The following ZFP92 variants were observed in gnomAD, a reference collection of about 807,000 sequenced individuals.
ZFP92 encodes the protein ZFP92 zinc finger protein.
ZFP92 carries 2 observed loss-of-function variants against 7.6 expected under a neutral mutation model. The observed-to-expected ratio is 0.26, with a 90% CI of 0.11 to 0.83. ZFP92 has a LOEUF of 0.83. Ranked by LOEUF, ZFP92 falls within the 40% of genes least tolerant of loss-of-function variation. The pLI is 0.65. For synonymous variants in ZFP92, 226 were observed against 183.6 expected (o/e 1.23, Z -1.87); for missense variants, 324 against 408.3 (o/e 0.79, Z 1.78).
Position 153,420,785 on chromosome X carries a change from G to C in ZFP92, c.408G>C (p.Gln136His). ...AGAGAGGTGCCCAGGGCTTGGGGCA[G>C]AGTTCGGCTGCGGGGCCGCAGGGCC... is the stretch of plus-strand genomic sequence containing the variant. ...VLQRGAQGLG[Q>H]SSAAGPQGPK... is the part of the protein sequence containing the mutation. The change falls in exon 6 of 6, where the codon CAG becomes CAC. Residue 136 changes from glutamine to histidine, a missense_variant. Transcript: ENST00000338647. The C allele has an allele frequency of 8.6e-7, 1 of 1,168,563 alleles. No individual in the cohort carries two copies. Among genetic ancestry groups the C allele is most frequent in the Non-Finnish European group, 1.1e-6 (1 of 873,152 alleles).
intron 5 of ZFP92, 70 bp from the exon 6 acceptor site, chrX:153,420,573 C>CA (rs2088990156): frequency 2.1e-5 from 23 of 1,095,163 alleles, no homozygotes; most frequent in Non-Finnish European, 2.7e-5. Flanking sequence ...CCCCTATGTT[C>CA]TCACCTCCTG....
rs2088907870 is a variant in ZFP92 at position 153,411,658 on chromosome X, G to A, written c.-113G>A. On this transcript the variant is annotated 5_prime_UTR_variant, in exon 1 of 6. Coordinates refer to ENST00000338647, the MANE Select transcript of ZFP92 (RefSeq NM_001136273.2). Reference sequence around the variant, plus strand: ...GGCGGCCTTGGCCTCGGGCCTGCCGGGAGCAGGAAGGGAGGCCGACTCCCT... The same window carrying A: ...GGCGGCCTTGGCCTCGGGCCTGCCGAGAGCAGGAAGGGAGGCCGACTCCCT... Among the ~76,000 whole-genome samples the A allele has an allele frequency of 8.8e-6, 1 of 113,168 alleles. No homozygotes were observed. Among genetic ancestry groups the A allele is most frequent in the African/African-American group, 3.2e-5 (1 of 31,204 alleles).
rs2089003080 is a variant in ZFP92 at position 153,421,496 on chromosome X, G to A, written c.1119G>A (p.Arg373=). ...AGCACCAGGCAGTGCACGGCGCCAG[G>A]CGCCCTGCGAAGGCGGAGACGGCGC... ...LFKHQAVHGA[R]RPAKAETARR... Residue 373 remains arginine (R), a synonymous_variant, in exon 6 of 6, where the codon AGG becomes AGA. Coordinates refer to ENST00000338647, the MANE Select transcript of ZFP92 (RefSeq NM_001136273.2). 2 of 1,145,666 alleles carry A rather than the reference G, an allele frequency of 1.7e-6. No individual in the cohort carries two copies. The highest frequency in any genetic ancestry group is 3.6e-5 in the African/African-American group (2 of 55,506). 94.4% of individuals were successfully genotyped at this position (1,145,666 alleles called of 1,213,427 possible). A position where few individuals can be genotyped will look rare whatever the true frequency, so the allele number is the denominator to read the frequency against.
intron 2 of ZFP92, among the ~76,000 whole-genome samples, chrX:153,417,739 G>C (rs2088964769): frequency 8.9e-6 from 1 of 112,004 alleles, no homozygotes; most frequent in Non-Finnish European, 1.9e-5. Context: ...GGTTTGAATG[G>C]TGCCCCCCAA....
rs1556976017 is a variant in ZFP92, at chrX:153,424,336, A to G, written c.*2708A>G. On this transcript the variant is annotated 3_prime_UTR_variant, in exon 6 of 6. Transcript: ENST00000338647. Reference sequence around the variant, plus strand: ...GTCTAATTTAGCTCCCCATAATGACATTCTCACTGCAAGGTGGTCATTGCT... The same window carrying G: ...GTCTAATTTAGCTCCCCATAATGACGTTCTCACTGCAAGGTGGTCATTGCT... 8.9e-6 allele frequency: 1 copy of G among 112,395 alleles called. No homozygotes were observed. The highest frequency in any genetic ancestry group is 1.9e-5 in the Non-Finnish European group (1 of 53,282). 9.3% of individuals were successfully genotyped at this position (112,395 alleles called of 1,213,427 possible).
At chrX:153,416,809 C>T (rs1194102388) in intron 2 of ZFP92, among the ~76,000 whole-genome samples, 1 of 111,822 alleles carries the variant, frequency 8.9e-6, no homozygotes, top group Non-Finnish European at 1.9e-5. Flanking sequence ...AAGTTCAAGA[C>T]TGGGCGTCTG....
intron 2 of ZFP92, among the ~76,000 whole-genome samples, chrX:153,416,691 C>G (rs1013763380): frequency 8.9e-6 from 1 of 111,974 alleles, no homozygotes; most frequent in Non-Finnish European, 1.9e-5. Flanking sequence ...AAGGAACAAT[C>G]TTTTACCCCC....
rs782643766 is a variant in ZFP92, at chrX:153,421,722, C to T, written c.*94C>T. ...GCCCCCTTCAGGTGGGAAGACCGCC[C>T]TCCCAGGGCCTCGATTGCGGCCACA... is the stretch of plus-strand genomic sequence containing the variant. On this transcript the variant is annotated 3_prime_UTR_variant, in exon 6 of 6. Transcript: ENST00000338647. The T allele has an allele frequency of 7.7e-5, 68 of 882,173 alleles. No homozygotes were observed. The African/African-American group carries it at 1.3e-3, about 17-fold the overall frequency. 72.7% of individuals were successfully genotyped at this position (882,173 alleles called of 1,213,427 possible).
At chrX:153,418,138 A>G (rs1234046758) in intron 2 of ZFP92, among the ~76,000 whole-genome samples, 167 bp from the exon 3 acceptor site, 1 of 111,987 alleles carries the variant, frequency 8.9e-6, no homozygotes, top group Admixed American at 9.4e-5. Flanking sequence ...AGCCATACAG[A>G]AGGTCTGATG....
At position 153,423,951 on chromosome X, in the gene ZFP92, A is replaced by T. The variant is rs1276838335; in HGVS notation, c.*2323A>T. The T allele has an allele frequency of 2.7e-5, 3 of 112,773 alleles. No homozygotes were observed. Among genetic ancestry groups the T allele is most frequent in the African/African-American group, 9.7e-5 (3 of 30,991 alleles). The allele number at this position is 112,773 out of a possible 1,213,427, so 9.3% of individuals were successfully genotyped here. On this transcript the variant is annotated 3_prime_UTR_variant, in exon 6 of 6. Coordinates refer to ENST00000338647, the MANE Select transcript of ZFP92 (RefSeq NM_001136273.2). ...AACCAGGAAAGAAACAGATCCACGC[A>T]CTCTGATACCCATTTCCGTTGTTCT...
chrX:153,421,270 C>T lies in ZFP92; in HGVS notation c.893C>T (p.Ala298Val). The change falls in exon 6 of 6, where the codon GCC becomes GTC. Residue 298 changes from alanine to valine, a missense_variant. Physicochemically the swap from Ala to Val is moderately conservative, Grantham distance 64. Coordinates refer to ENST00000338647, the MANE Select transcript of ZFP92 (RefSeq NM_001136273.2). ...AAGCCCTACGCCTGCGGCCAGTGCG[C>T]CAAGGCCTTCAAGGGCGTCTCGCAG... ...GEKPYACGQC[A>V]KAFKGVSQLI... The T allele has an allele frequency of 8.5e-7, 1 of 1,171,129 alleles. No individual in the cohort carries two copies. The highest frequency in any genetic ancestry group is 1.1e-6 in the Non-Finnish European group (1 of 876,463).
intron 2 of ZFP92, among the ~76,000 whole-genome samples, chrX:153,415,028 G>T (rs1205135539): frequency 6.2e-5 from 7 of 113,407 alleles, no homozygotes; most frequent in African/African-American, 2.2e-4. Flanking sequence ...GCCAGCAGAG[G>T]CGGGTGGCTA....
intron 2 of ZFP92, among the ~76,000 whole-genome samples, chrX:153,415,740 T>G (rs922079829): frequency 5.4e-5 from 6 of 111,801 alleles, no homozygotes; most frequent in African/African-American, 2.0e-4. Context: ...CTTTTCTCTC[T>G]TTCTCTTTGT....
chrX:153,418,001 G>C (rs1030265998), intron 2 of ZFP92, among the ~76,000 whole-genome samples: 1 of 112,162 alleles, frequency 8.9e-6, no homozygotes, highest in African/African-American at 3.2e-5. Context: ...TGGCGAGAAA[G>C]GGGCTTCAGT....
intron 4 of ZFP92, among the ~76,000 whole-genome samples, chrX:153,419,236 C>T (rs1333076413): frequency 8.9e-6 from 1 of 112,720 alleles, no homozygotes; most frequent in Non-Finnish European, 1.9e-5. Context: ...AGGGAGGTCC[C>T]ACATAAGGAC....
chrX:153,419,651 G>GA (rs1298559886), intron 4 of ZFP92, among the ~76,000 whole-genome samples: 1 of 112,460 alleles, frequency 8.9e-6, no homozygotes, highest in Non-Finnish European at 1.9e-5. Context: ...GGGAAATCCA[G>GA]AGGGTCTTCA....
chrX:153,414,876 G>C (rs890548500), intron 2 of ZFP92, among the ~76,000 whole-genome samples: 33 of 111,747 alleles, frequency 3.0e-4, no homozygotes, highest in African/African-American at 1.1e-3. Flanking sequence ...AGAGTTAAAG[G>C]TTCTTTGGAT....
In ZFP92 at chrX:153,412,986, G is replaced by T. The variant is rs2088921159; in HGVS notation, c.-19+973G>T. The stretch of plus-strand genomic sequence containing the variant: ...AGGCTAGGCTGCATGGAGGGCCCCG[G>T]TCGACCCATGCAGCACCCAGGCCGG... On this transcript the variant is annotated intron_variant, in intron 2 of 5. Transcript: ENST00000338647. Among the ~76,000 whole-genome samples the T allele has an allele frequency of 3.6e-5, 4 of 111,540 alleles. No homozygotes were observed. The South Asian group carries it at 1.5e-3, about 42-fold the overall frequency.
chrX:153,418,112 T>G (rs1337601819), intron 2 of ZFP92, among the ~76,000 whole-genome samples, 193 bp from the exon 3 acceptor site: 2 of 112,043 alleles, frequency 1.8e-5, no homozygotes, highest in African/African-American at 6.5e-5. Context: ...TAGTACTTAT[T>G]ATGGCCGCCC....
Sources: allele counts gnomAD v4.1 joint callset (sites outside exome capture counted in the v4.1 genomes callset), GRCh38; gene constraint gnomAD v4.1.1; transcripts MANE v1.5; gene names NCBI Gene and HGNC (gene_info 2026-07-23, HGNC 2026-07-21).